The following ZFHX3 variants were observed in gnomAD, a reference collection of about 807,000 sequenced individuals.
The protein encoded by ZFHX3 is zinc finger homeobox protein 3.
A neutral mutation model predicts 279.1 loss-of-function variants in ZFHX3; 42 were observed. That is an observed-to-expected ratio of 0.15 (90% confidence interval 0.12 to 0.19). The LOEUF (loss-of-function observed/expected upper bound fraction) is 0.19. ZFHX3 is among the 10% of genes least tolerant of loss of function. The pLI, the probability that ZFHX3 is intolerant of heterozygous loss-of-function variation, is 1.00. For missense variants in ZFHX3, 4,981 were observed against 4,754.0 expected, an observed-to-expected ratio of 1.05 and a Z score of -1.40; for synonymous variants, 2,293 against 1,957.8, an observed-to-expected ratio of 1.17 and a Z score of -4.52.
At chr16:72,900,225 T>C (rs1008967034) in intron 3 of ZFHX3, among the ~76,000 whole-genome samples, 2 of 152,092 alleles carry the variant, frequency 1.3e-5, no homozygotes, top group African/African-American at 4.8e-5. Flanking sequence ...ACCACGTTCT[T>C]TCTCATGTCT....
intron 1 of ZFHX3, among the ~76,000 whole-genome samples, chr16:73,769,640 T>A (rs2053995536): frequency 6.6e-6 from 1 of 152,174 alleles, no homozygotes; most frequent in South Asian, 2.1e-4. Flanking sequence ...AAATGTAAAA[T>A]GGGAATTTCT....
intron 1 of ZFHX3, among the ~76,000 whole-genome samples, chr16:73,848,417 G>GTCC (rs145625570): frequency 0.075 from 11,407 of 152,128 alleles, 1,429 homozygotes; most frequent in African/African-American, 0.26. Context: ...GAGCTGGTGA[G>GTCC]TCCTTCAAAA....
At chr16:73,352,424 T>G (rs915431845) in intron 3 of ZFHX3, among the ~76,000 whole-genome samples, 1 of 150,656 alleles carries the variant, frequency 6.6e-6, no homozygotes, top group African/African-American at 2.4e-5. Flanking sequence ...GTTATAAGGA[T>G]AAACGGTGTC....
chr16:73,258,171 T>C (rs1281868526), intron 4 of ZFHX3, among the ~76,000 whole-genome samples: 2 of 152,098 alleles, frequency 1.3e-5, no homozygotes, highest in Admixed American at 1.3e-4. Flanking sequence ...ACACCAGCTT[T>C]TCAAACAAGC....
chr16:73,070,924 GCGCGCGCGCGCGCGCACACACA>G (rs1203422042), intron 8 of ZFHX3, among the ~76,000 whole-genome samples: 1 of 31,896 alleles, frequency 3.1e-5, no homozygotes, highest in Non-Finnish European at 6.9e-5. Flanking sequence ...TTGCGCGCGC[GCGCGCGCGCGCGCGCACACACA>G]CACACACACA....
intron 2 of ZFHX3, among the ~76,000 whole-genome samples, chr16:73,508,514 A>G (rs898203849): frequency 1.3e-5 from 2 of 152,234 alleles, no homozygotes; most frequent in African/African-American, 4.8e-5. Flanking sequence ...CAGCACTGTC[A>G]TTACACACAT....
At chr16:73,584,118 T>C (rs990683426) in intron 2 of ZFHX3, among the ~76,000 whole-genome samples, 4 of 152,146 alleles carry the variant, frequency 2.6e-5, no homozygotes, top group Admixed American at 6.5e-5. Flanking sequence ...CAGAGCATAG[T>C]ACAGAAAGAC....
intron 6 of ZFHX3, chr16:73,137,140 A>C (rs185489169): frequency 2.6e-5 from 4 of 152,272 alleles, no homozygotes; most frequent in African/African-American, 7.2e-5. Context: ...AAAATATCAG[A>C]GCTGATGAGA....
intron 1 of ZFHX3, among the ~76,000 whole-genome samples, chr16:73,724,494 G>C (rs1187573475): frequency 6.6e-6 from 1 of 152,188 alleles, no homozygotes; most frequent in African/African-American, 2.4e-5. Context: ...GACTTGGGGT[G>C]CCTAGTTGGC....
chr16:73,547,797 A>C lies in ZFHX3; in HGVS notation c.-1546-91539T>G, dbSNP rs534511617. ...AGCTGTGCGCCTTCCTCAAACATTC[A>C]GGATCCTTCCAAACCATATTCTTGT... On this transcript the variant is annotated intron_variant, in intron 2 of 17. Transcript: ENST00000641206. Among the ~76,000 whole-genome samples, 56 of 152,324 alleles carry C rather than the reference A, an allele frequency of 3.7e-4. No homozygotes were observed. In the South Asian group the frequency reaches 0.011, roughly 31 times the overall value.
chr16:73,729,031 C>T (rs79637432), intron 1 of ZFHX3, among the ~76,000 whole-genome samples: 1 of 152,240 alleles, frequency 6.6e-6, no homozygotes, highest in African/African-American at 2.4e-5. Flanking sequence ...GTCTGAAGTT[C>T]TGGGAATGAC....
chr16:72,825,463 C>A (rs1178411450), intron 5 of ZFHX3, among the ~76,000 whole-genome samples: 1 of 152,192 alleles, frequency 6.6e-6, no homozygotes, highest in African/African-American at 2.4e-5. Flanking sequence ...AGTGCAAAAG[C>A]CAGTGTGTAA....
rs766893114 is a variant in ZFHX3 at position 72,950,590 on chromosome 16, A to C, written c.3095T>G (p.Val1032Gly). The C allele has an allele frequency of 1.2e-6, 2 of 1,614,058 alleles. No homozygotes were observed. Among genetic ancestry groups the C allele is most frequent in the Non-Finnish European group, 1.7e-6 (2 of 1,180,048 alleles). ...GKANEWRLKC[V>G]AIGNPVHLKC... is the part of the protein sequence containing the mutation. ...GAGGTGCACGGGGTTGCCGATGGCC[A>C]CACACTTGAGCCTCCACTCGTTGGC... Residue 1032 changes from valine to glycine, a missense_variant, in exon 3 of 10, where the codon GTG (valine) becomes GGG (glycine). Coordinates refer to ENST00000268489, the MANE Select transcript of ZFHX3 (RefSeq NM_006885.4).
At chr16:73,313,212 C>T (rs1036250529) in intron 4 of ZFHX3, among the ~76,000 whole-genome samples, 2 of 152,178 alleles carry the variant, frequency 1.3e-5, no homozygotes, top group Admixed American at 6.5e-5. Context: ...TCCACCATGA[C>T]TGTAAGTTTC....
rs397766441 is a variant in ZFHX3 at position 73,557,094 on chromosome 16, C to CAAAAAAAAAAAAAA, written c.-1546-100850_-1546-100837dup. Among the ~76,000 whole-genome samples the CAAAAAAAAAAAAAA allele has an allele frequency of 2.9e-5, 2 of 68,552 alleles. 1 individual carries two copies. The allele number at this position is 68,552 out of a possible 152,430, so 45.0% of individuals were successfully genotyped here. A position where few individuals can be genotyped will look rare whatever the true frequency, so the allele number is the denominator to read the frequency against. The stretch of plus-strand genomic sequence containing the variant: ...TGGGGGACAGAGCAAGACTCCGTCT[C>CAAAAAAAAAAAAAA]AAAAAAAAAAAAAAAAAAAAAAAAA... On this transcript the variant is annotated intron_variant, in intron 2 of 17. Transcript: ENST00000641206.
Position 73,863,274 on chromosome 16 carries a change from A to C in ZFHX3, c.-1608+28377T>G, listed in dbSNP as rs143679078. On this transcript the variant is annotated intron_variant, in intron 1 of 17. Coordinates refer to the ZFHX3 transcript ENST00000641206. ...AGTCCCTAGAGGAATGGGGTATTGA[A>C]AGTGAAGCTTTAATAGGTAGGCAAT... is the stretch of plus-strand genomic sequence containing the variant. Among the ~76,000 whole-genome samples the C allele has an allele frequency of 6.3e-3, 958 of 152,310 alleles. 2 individuals carry two copies. Among genetic ancestry groups the C allele is most frequent in the Middle Eastern group, 0.01 (3 of 294 alleles).
rs993165788 is a variant in ZFHX3 at position 73,781,290 on chromosome 16, G to A, written c.-1607-101050C>T. ...AATTTTACCTGAAGGCCTTTGTAAG[G>A]CTCTACCCCCAAAGATTGTGATTAA... is the stretch of plus-strand genomic sequence containing the variant. On this transcript the variant is annotated intron_variant, in intron 1 of 17. Coordinates refer to the ZFHX3 transcript ENST00000641206. Among the ~76,000 whole-genome samples, 4 of 152,162 alleles carry A rather than the reference G, an allele frequency of 2.6e-5. No individual in the cohort carries two copies. In the East Asian group the frequency reaches 5.8e-4, roughly 22 times the overall value.
At chr16:73,628,204 C>G (rs1352420882) in intron 2 of ZFHX3, among the ~76,000 whole-genome samples, 1 of 152,146 alleles carries the variant, frequency 6.6e-6, no homozygotes, top group Non-Finnish European at 1.5e-5. Context: ...CATTAATAAC[C>G]ACATCATTGA....
At chr16:73,293,068 G>A (rs1271360632) in intron 4 of ZFHX3, among the ~76,000 whole-genome samples, 2 of 152,128 alleles carry the variant, frequency 1.3e-5, no homozygotes, top group African/African-American at 4.8e-5. Context: ...CTTGTCTAAA[G>A]GTAGAACCAC....
Sources: allele counts gnomAD v4.1 joint callset (sites outside exome capture counted in the v4.1 genomes callset), GRCh38; gene constraint gnomAD v4.1.1; transcripts MANE v1.5; gene names NCBI Gene and HGNC (gene_info 2026-07-23, HGNC 2026-07-21).